The following VPS13B variants were observed in gnomAD, a reference collection of about 807,000 sequenced individuals.
VPS13B encodes the protein vacuolar protein sorting 13 homolog B.
Under a neutral mutation model 426.4 loss-of-function variants are expected in VPS13B, and 285 were observed. The ratio of observed to expected loss-of-function variants is 0.67; its 90% CI spans 0.61 to 0.74. VPS13B has a LOEUF of 0.74. Among genes scored for constraint, VPS13B ranks in the 30% least tolerant of loss-of-function variants. VPS13B has a pLI of 0.00. For missense variants in VPS13B, 4,537 were observed against 4,782.6 expected (o/e 0.95, Z 1.51); for synonymous variants, 1,676 against 1,676.4 (o/e 1.00, Z 0.01).
intron 36 of VPS13B, 56 bp downstream of exon 36, chr8:99,699,988 A>G (rs767421641): frequency 7.1e-5 from 112 of 1,580,466 alleles, no homozygotes; most frequent in Non-Finnish European, 9.1e-5. Context: ...ATTTGTTAAC[A>G]TCTGAAAATG....
intron 58 of VPS13B, among the ~76,000 whole-genome samples, chr8:99,863,681 G>C (rs543065920): frequency 6.6e-6 from 1 of 152,264 alleles, no homozygotes; most frequent in Admixed American, 6.5e-5. Context: ...CCCTGATGAG[G>C]TCATCTTTCT....
At chr8:99,803,482 C>T (rs1297210887) in intron 43 of VPS13B, among the ~76,000 whole-genome samples, 1 of 152,124 alleles carries the variant, frequency 6.6e-6, no homozygotes, top group African/African-American at 2.4e-5. Flanking sequence ...CCAAAACAAA[C>T]TACATCAAAG....
chr8:99,381,622 A>G (rs1436880247), intron 19 of VPS13B, among the ~76,000 whole-genome samples: 1 of 151,980 alleles, frequency 6.6e-6, no homozygotes, highest in South Asian at 2.1e-4. Context: ...ATGGCATCTC[A>G]TTGTGGTTTT....
chr8:99,099,729 G>A (rs960440271), intron 4 of VPS13B, among the ~76,000 whole-genome samples: 1 of 152,072 alleles, frequency 6.6e-6, no homozygotes, highest in Non-Finnish European at 1.5e-5. Context: ...CAAGAAGTGC[G>A]AATGGACAAA....
At chr8:99,493,780 TA>T (rs376555643) in intron 25 of VPS13B, among the ~76,000 whole-genome samples, 1,954 of 61,154 alleles carry the variant, frequency 0.032, 12 homozygotes, top group South Asian at 0.098. Context: ...AGACTCTATC[TA>T]AAAAAAAAAA....
At chr8:99,575,215 C>G (rs1282727428) in intron 31 of VPS13B, among the ~76,000 whole-genome samples, 1 of 151,718 alleles carries the variant, frequency 6.6e-6, no homozygotes, top group Non-Finnish European at 1.5e-5. Flanking sequence ...GAAAAGAATT[C>G]AAAGACTAAA....
At chr8:99,533,042 C>T (rs1315060199) in intron 30 of VPS13B, among the ~76,000 whole-genome samples, 11 of 149,816 alleles carry the variant, frequency 7.3e-5, no homozygotes, top group South Asian at 2.1e-4. Context: ...CGGGTTCAAG[C>T]GATTCTCCTC....
At chr8:99,355,466 C>A (rs980924639) in intron 19 of VPS13B, among the ~76,000 whole-genome samples, 13 of 152,260 alleles carry the variant, frequency 8.5e-5, no homozygotes, top group Non-Finnish European at 1.8e-4. Context: ...TGGCACATGC[C>A]TGTAATCCCA....
intron 19 of VPS13B, among the ~76,000 whole-genome samples, chr8:99,373,522 A>G (rs1477824856): frequency 1.3e-5 from 2 of 152,252 alleles, no homozygotes; most frequent in Admixed American, 6.5e-5. Context: ...GACAAATGAG[A>G]AATAAGACAC....
At chr8:99,802,153 TA>T (rs570745937) in intron 43 of VPS13B, among the ~76,000 whole-genome samples, 6,979 of 112,740 alleles carry the variant, frequency 0.062, 167 homozygotes, top group African/African-American at 0.082. Context: ...CAGTCTCAAA[TA>T]AAAAAAAAAA....
intron 31 of VPS13B, among the ~76,000 whole-genome samples, chr8:99,557,987 G>A (rs1239876117): frequency 6.6e-6 from 1 of 152,036 alleles, no homozygotes; most frequent in Admixed American, 6.6e-5. Flanking sequence ...ATACCGTGGT[G>A]GTTTATTGAT....
At chr8:99,407,938 G>A (rs1340319979) in intron 21 of VPS13B, among the ~76,000 whole-genome samples, 1 of 152,178 alleles carries the variant, frequency 6.6e-6, no homozygotes, top group Non-Finnish European at 1.5e-5. Context: ...GGGGGATTGA[G>A]AGAAAGGTGA....
chr8:99,316,634 G>A (rs940061188), intron 19 of VPS13B, among the ~76,000 whole-genome samples: 1 of 152,084 alleles, frequency 6.6e-6, no homozygotes, highest in Non-Finnish European at 1.5e-5. Flanking sequence ...CTCCAGGGTC[G>A]CAGCCGGTCC....
chr8:99,787,648 G>T (rs1812334139), intron 43 of VPS13B, among the ~76,000 whole-genome samples: 1 of 152,122 alleles, frequency 6.6e-6, no homozygotes, highest in African/African-American at 2.4e-5. Flanking sequence ...TGAGTTTATA[G>T]AATGTTTCCC....
chr8:99,610,912 G>A (rs1481023368), intron 33 of VPS13B, among the ~76,000 whole-genome samples: 1 of 152,098 alleles, frequency 6.6e-6, no homozygotes, highest in East Asian at 1.9e-4. Context: ...GTGAGATATT[G>A]TAACTTAGAA....
chr8:99,272,833 C>T lies in VPS13B; in HGVS notation c.2516-1365C>T, dbSNP rs370279099. Among the ~76,000 whole-genome samples the T allele has an allele frequency of 1.5e-4, 23 of 152,064 alleles. No individual in the cohort carries two copies. The East Asian group carries it at 1.7e-3, about 11-fold the overall frequency. ...TTATTTATAAGCTATTGTATTTTAACACAGGAATTATTTGAGCTACAGGTT... is the reference window on the plus strand; with the variant it reads ...TTATTTATAAGCTATTGTATTTTAATACAGGAATTATTTGAGCTACAGGTT... On this transcript the variant is annotated intron_variant, in intron 17 of 61. Coordinates refer to ENST00000357162, the MANE Select transcript of VPS13B (RefSeq NM_152564.5).
intron 12 of VPS13B, among the ~76,000 whole-genome samples, chr8:99,139,893 G>A (rs1810306556): frequency 6.7e-6 from 1 of 150,210 alleles, no homozygotes; most frequent in African/African-American, 2.4e-5. Context: ...GTTTTTTTGT[G>A]ACAACTTTTT....
intron 3 of VPS13B, among the ~76,000 whole-genome samples, chr8:99,082,376 G>A (rs1045773881): frequency 6.6e-6 from 1 of 152,110 alleles, no homozygotes; most frequent in Non-Finnish European, 1.5e-5. Flanking sequence ...TTTGTCCGAT[G>A]AGTAAATTGC....
Position 99,552,158 on chromosome 8 carries a change from A to T in VPS13B, c.4746-4292A>T, listed in dbSNP as rs1031984116. Among the ~76,000 whole-genome samples the T allele has an allele frequency of 1.0e-4, 15 of 150,300 alleles. No homozygotes were observed. In the East Asian group the frequency reaches 2.8e-3, roughly 28 times the overall value. ...GCTGGGCTTAATCTGCTTGAGTTTT[A>T]TTTTTTTTCTCATTTGTAGTTCTAC... On this transcript the variant is annotated intron_variant, in intron 30 of 61. Coordinates refer to ENST00000357162, the MANE Select transcript of VPS13B (RefSeq NM_152564.5).
Sources: allele counts gnomAD v4.1 joint callset (sites outside exome capture counted in the v4.1 genomes callset), GRCh38; gene constraint gnomAD v4.1.1; transcripts MANE v1.5; gene names NCBI Gene and HGNC (gene_info 2026-07-23, HGNC 2026-07-21).